The following TMIGD3 variants were observed in gnomAD, a reference collection of about 807,000 sequenced individuals.
The protein encoded by TMIGD3 is transmembrane and immunoglobulin domain containing 3.
A neutral mutation model predicts 28.1 loss-of-function variants in TMIGD3; 21 were observed. The ratio of observed to expected loss-of-function variants is 0.75; its 90% CI spans 0.53 to 1.08. TMIGD3 has a LOEUF of 1.08. Among genes scored for constraint, TMIGD3 ranks in the 50% least tolerant of loss-of-function variants. The probability of loss-of-function intolerance (pLI) is 0.00; values close to 1 mark genes in which losing one functional copy is unlikely to be tolerated. For synonymous variants in TMIGD3, 151 were observed against 162.1 expected (o/e 0.93, Z 0.52); for missense variants, 416 against 435.6 (o/e 0.96, Z 0.40).
intron 1 of TMIGD3, chr1:111,500,740 C>A (rs984766716): frequency 3.3e-6 from 2 of 612,862 alleles, no homozygotes; most frequent in Non-Finnish European, 2.8e-6. Context: ...CCACTGGATA[C>A]GAAGACAAGA....
chr1:111,490,024 G>A (rs1013195018), intron 2 of TMIGD3, among the ~76,000 whole-genome samples: 4 of 152,028 alleles, frequency 2.6e-5, no homozygotes, highest in African/African-American at 4.8e-5. Flanking sequence ...TTTTGTTTTC[G>A]TAACAACCCC....
In TMIGD3 at chr1:111,488,717, G is replaced by A. The variant is rs138531228; in HGVS notation, c.765C>T (p.Asp255=). Residue 255 remains aspartate (D), a synonymous_variant, in exon 3 of 6, where the codon GAC becomes GAT. Coordinates refer to ENST00000369716, the MANE Select transcript of TMIGD3 (RefSeq NM_020683.7). ...DMDFTELIVT[D]DKGTLANDFW... The stretch of plus-strand genomic sequence containing the variant: ...AGTCATTGGCCAGGGTTCCTTTGTC[G>A]TCAGTTACAATCAGCTCTGTAAAAT... 234 of 1,614,084 alleles carry A rather than the reference G, an allele frequency of 1.4e-4. No homozygotes were observed. In the African/African-American group the frequency reaches 2.4e-3, roughly 17 times the overall value.
At chr1:111,507,031 GTGTGTGTGTA>G (rs1655527266), upstream of TMIGD3, among the ~76,000 whole-genome samples, 1 of 35,664 alleles carries the variant, frequency 2.8e-5, no homozygotes, top group African/African-American at 6.0e-5. Flanking sequence ...GTGTGTGTGT[GTGTGTGTGTA>G]TATATATATA....
chr1:111,518,214 T>C (rs1482186572), intron 1 of TMIGD3, among the ~76,000 whole-genome samples: 1 of 152,226 alleles, frequency 6.6e-6, no homozygotes, highest in Non-Finnish European at 1.5e-5. Context: ...ATGGTCTTGA[T>C]TTCTCCAGAA....
intron 1 of TMIGD3, among the ~76,000 whole-genome samples, chr1:111,537,432 C>T (rs1327398724): frequency 6.6e-6 from 1 of 152,234 alleles, no homozygotes; most frequent in African/African-American, 2.4e-5. Context: ...TGCTGAGCAT[C>T]TGACATCAGG....
At chr1:111,511,851 G>A (rs1655702487) in intron 1 of TMIGD3, among the ~76,000 whole-genome samples, 1 of 152,110 alleles carries the variant, frequency 6.6e-6, no homozygotes, top group Non-Finnish European at 1.5e-5. Context: ...TCTGGCCCTA[G>A]TTACCAGCTT....
chr1:111,544,642 A>G (rs1341211022), intron 1 of TMIGD3, among the ~76,000 whole-genome samples: 3 of 152,176 alleles, frequency 2.0e-5, no homozygotes, highest in Non-Finnish European at 4.4e-5. Context: ...TCAGGCTATT[A>G]TGAATAACAC....
chr1:111,487,881 G>A (rs1392307180), intron 3 of TMIGD3, among the ~76,000 whole-genome samples: 1 of 152,064 alleles, frequency 6.6e-6, no homozygotes, highest in Non-Finnish European at 1.5e-5. Context: ...ACGGCTCACT[G>A]CAGCCTCAAC....
intron 1 of TMIGD3, among the ~76,000 whole-genome samples, chr1:111,502,654 A>G (rs1470924854): frequency 6.6e-6 from 1 of 150,782 alleles, no homozygotes; most frequent in Non-Finnish European, 1.5e-5. Flanking sequence ...AATAAGTCTT[A>G]TCTAGTAGGC....
intron 1 of TMIGD3, chr1:111,500,102 G>T (rs1040252885): frequency 5.6e-6 from 9 of 1,614,054 alleles, no homozygotes; most frequent in Non-Finnish European, 7.6e-6. Flanking sequence ...TGGGACAGCA[G>T]GATGCCCATG....
chr1:111,505,095 A>T, upstream of TMIGD3: 1 of 802,984 alleles, frequency 1.2e-6, no homozygotes, highest in Non-Finnish European at 1.5e-6. Context: ...GAAGTTACCA[A>T]GAGAAATTTC....
chr1:111,559,870 T>C (rs1243990555), intron 1 of TMIGD3, among the ~76,000 whole-genome samples: 1 of 152,204 alleles, frequency 6.6e-6, no homozygotes, highest in Non-Finnish European at 1.5e-5. Flanking sequence ...AGATGCAGCA[T>C]AAATTACTAA....
chr1:111,537,226 C>T (rs184700292), intron 1 of TMIGD3, among the ~76,000 whole-genome samples: 1 of 152,362 alleles, frequency 6.6e-6, no homozygotes, highest in East Asian at 1.9e-4. Context: ...GCACTCACTT[C>T]TAGCACAAGA....
intron 1 of TMIGD3, among the ~76,000 whole-genome samples, chr1:111,543,421 C>T (rs978428377): frequency 6.6e-5 from 10 of 152,162 alleles, no homozygotes; most frequent in African/African-American, 9.7e-5. Context: ...CCCGTCTATT[C>T]GCCACTCAGC....
chr1:111,528,663 CTT>C (rs1333431155), intron 1 of TMIGD3, among the ~76,000 whole-genome samples: 1 of 152,012 alleles, frequency 6.6e-6, no homozygotes, highest in African/African-American at 2.4e-5. Flanking sequence ...TGGAATATCT[CTT>C]TATTTATTTG....
intron 1 of TMIGD3, among the ~76,000 whole-genome samples, chr1:111,528,571 C>A (rs902761572): frequency 9.9e-5 from 15 of 152,062 alleles, no homozygotes; most frequent in African/African-American, 1.9e-4. Flanking sequence ...ATTTTCAGAA[C>A]TATAGATATA....
At position 111,488,696 on chromosome 1, in the gene TMIGD3, A is replaced by G; in HGVS notation, c.786T>C (p.Asn262=). Reference sequence around the variant, plus strand: ...CCTTACCTTTCCCAGACCAAAAGTCATTGGCCAGGGTTCCTTTGTCGTCAG... The same window carrying G: ...CCTTACCTTTCCCAGACCAAAAGTCGTTGGCCAGGGTTCCTTTGTCGTCAG... ...IVTDDKGTLA[N]DFWSGKDLSG... The change falls in exon 3 of 6, where the codon AAT becomes AAC. Residue 262 remains asparagine, a synonymous_variant. Coordinates refer to ENST00000369716, the MANE Select transcript of TMIGD3 (RefSeq NM_020683.7). The G allele has an allele frequency of 6.2e-7, 1 of 1,613,726 alleles. No homozygotes were observed. The highest frequency in any genetic ancestry group is 8.5e-7 in the Non-Finnish European group (1 of 1,179,656).
intron 1 of TMIGD3, among the ~76,000 whole-genome samples, chr1:111,558,704 A>T (rs1657614150): frequency 6.6e-6 from 1 of 152,216 alleles, no homozygotes; most frequent in African/African-American, 2.4e-5. Flanking sequence ...TCCCAGGAAG[A>T]TATAAACTTC....
chr1:111,537,419 A>G (rs1029539839), intron 1 of TMIGD3, among the ~76,000 whole-genome samples: 4 of 152,254 alleles, frequency 2.6e-5, no homozygotes, highest in African/African-American at 9.6e-5. Context: ...TTCAGTGAAG[A>G]CTTGCTGAGC....
Sources: allele counts gnomAD v4.1 joint callset (sites outside exome capture counted in the v4.1 genomes callset), GRCh38; gene constraint gnomAD v4.1.1; transcripts MANE v1.5; gene names NCBI Gene and HGNC (gene_info 2026-07-23, HGNC 2026-07-21).